The following MTX2 variants were observed in gnomAD, a reference collection of about 807,000 sequenced individuals.
MTX2 encodes the protein metaxin 2, also known as metaxin-2.
In MTX2, 35 loss-of-function variants were observed where a neutral mutation model predicts 42.3. The observed-to-expected ratio is 0.83, with a 90% CI of 0.63 to 1.10. MTX2 has a LOEUF of 1.10. MTX2 is among the 50% of genes least tolerant of loss of function. MTX2 has a pLI of 0.00. For missense variants in MTX2, 307 were observed against 304.1 expected (o/e 1.01, Z -0.07); for synonymous variants, 119 against 100.9 (o/e 1.18, Z -1.08).
At chr2:176,274,647 C>T (rs981356571) in intron 1 of MTX2, among the ~76,000 whole-genome samples, 8 of 152,112 alleles carry the variant, frequency 5.3e-5, no homozygotes, top group Admixed American at 2.0e-4. Context: ...GCATGCAAGG[C>T]GGGCAGTCAG....
chr2:176,283,560 A>C (rs1446428658), intron 1 of MTX2, among the ~76,000 whole-genome samples: 1 of 152,198 alleles, frequency 6.6e-6, no homozygotes, highest in Non-Finnish European at 1.5e-5. Context: ...TTCTATAACT[A>C]GCTGGGAGGA....
At chr2:176,314,675 A>G (rs1684395354) in intron 3 of MTX2, among the ~76,000 whole-genome samples, 1 of 152,054 alleles carries the variant, frequency 6.6e-6, no homozygotes, top group Non-Finnish European at 1.5e-5. Flanking sequence ...CTGCTTGTTT[A>G]CTTTTGACGT....
intron 1 of MTX2, among the ~76,000 whole-genome samples, chr2:176,278,045 T>TG (rs1692989733): frequency 8.7e-6 from 1 of 115,374 alleles, no homozygotes; most frequent in Non-Finnish European, 1.9e-5. Context: ...AAACTGGTTT[T>TG]TTTTTTTTTT....
At chr2:176,290,754 T>G (rs537775017) in intron 1 of MTX2, among the ~76,000 whole-genome samples, 5 of 151,902 alleles carry the variant, frequency 3.3e-5, no homozygotes, top group South Asian at 2.1e-4. Context: ...ACTAGTTTTT[T>G]TTTTTTTTTT....
intron 1 of MTX2, among the ~76,000 whole-genome samples, chr2:176,271,130 TG>T (rs779823606): frequency 2.0e-5 from 3 of 152,194 alleles, no homozygotes; most frequent in Non-Finnish European, 4.4e-5. Flanking sequence ...GCATTTTGTC[TG>T]TCTGCCGTCT....
At chr2:176,319,246 G>C (rs1476558907) in intron 3 of MTX2, among the ~76,000 whole-genome samples, 1 of 152,174 alleles carries the variant, frequency 6.6e-6, no homozygotes, top group Admixed American at 6.5e-5. Flanking sequence ...TTTTAGATGA[G>C]TGTGCCATGC....
chr2:176,322,225 T>C (rs115770508), intron 3 of MTX2, among the ~76,000 whole-genome samples: 3,022 of 152,226 alleles, frequency 0.02, 51 homozygotes, highest in Non-Finnish European at 0.033. Flanking sequence ...GTACAAGATA[T>C]TAATCACTGT....
chr2:176,290,576 A>G (rs1693304562), intron 1 of MTX2, among the ~76,000 whole-genome samples: 1 of 152,160 alleles, frequency 6.6e-6, no homozygotes, highest in Non-Finnish European at 1.5e-5. Flanking sequence ...GTCTTTTCCC[A>G]AACCAAGAGA....
intron 1 of MTX2, among the ~76,000 whole-genome samples, chr2:176,286,141 C>T (rs1246867369): frequency 6.6e-6 from 1 of 152,070 alleles, no homozygotes; most frequent in African/African-American, 2.4e-5. Context: ...TTTTCATGTG[C>T]TTTTTGGCCA....
Position 176,269,490 on chromosome 2 carries a change from C to A in MTX2, c.-140C>A. The A allele has an allele frequency of 1.1e-6, 1 of 939,186 alleles. No homozygotes were observed. The allele number at this position is 939,186 out of a possible 1,614,324, so 58.2% of individuals were successfully genotyped here. On this transcript the variant is annotated 5_prime_UTR_variant, in exon 1 of 10. Coordinates refer to ENST00000249442, the MANE Select transcript of MTX2 (RefSeq NM_006554.5). The stretch of plus-strand genomic sequence containing the variant: ...ACCTTGGGGGCCTCACTGCAGCCGC[C>A]GCTGCTGTTGGAGTGGGCTTTGCGA...
chr2:176,316,401 G>A (rs1230954840), intron 3 of MTX2, among the ~76,000 whole-genome samples: 1 of 151,880 alleles, frequency 6.6e-6, no homozygotes, highest in Non-Finnish European at 1.5e-5. Context: ...TTATTTATTT[G>A]TTTGTTTGGT....
At chr2:176,279,337 T>G (rs539102379) in intron 1 of MTX2, among the ~76,000 whole-genome samples, 1 of 152,136 alleles carries the variant, frequency 6.6e-6, no homozygotes, top group Non-Finnish European at 1.5e-5. Flanking sequence ...ATGAATAAAT[T>G]GTGTCATTTG....
intron 1 of MTX2, among the ~76,000 whole-genome samples, chr2:176,281,112 G>T (rs1693068420): frequency 6.6e-6 from 1 of 152,174 alleles, no homozygotes; most frequent in African/African-American, 2.4e-5. Context: ...TTGTCTGGTT[G>T]GTACGTGTAG....
chr2:176,298,573 T>G (rs1209241291), intron 3 of MTX2, among the ~76,000 whole-genome samples: 1 of 152,150 alleles, frequency 6.6e-6, no homozygotes, highest in African/African-American at 2.4e-5. Context: ...GGTTATGGAA[T>G]TATAGTTATC....
At chr2:176,292,847 CTG>C (rs1693358739) in intron 1 of MTX2, among the ~76,000 whole-genome samples, 1 of 152,084 alleles carries the variant, frequency 6.6e-6, no homozygotes, top group African/African-American at 2.4e-5. Context: ...ATTTAAAAAA[CTG>C]TTATACAAGT....
At chr2:176,320,527 C>T (rs1684557599) in intron 3 of MTX2, among the ~76,000 whole-genome samples, 1 of 151,982 alleles carries the variant, frequency 6.6e-6, no homozygotes, top group African/African-American at 2.4e-5. Flanking sequence ...AAGATTTCTC[C>T]TTCTATTTCG....
chr2:176,328,765 T>G, intron 6 of MTX2, 109 bp from the exon 7 acceptor site: 3 of 991,414 alleles, frequency 3.0e-6, no homozygotes, highest in Non-Finnish European at 4.7e-6. Flanking sequence ...CCGCTACATG[T>G]GTGACTTATG....
intron 3 of MTX2, among the ~76,000 whole-genome samples, chr2:176,302,865 A>G (rs1027214986): frequency 2.0e-5 from 3 of 152,184 alleles, no homozygotes; most frequent in Non-Finnish European, 4.4e-5. Context: ...AGAAGGATGT[A>G]TTAATTATTG....
chr2:176,326,029 A>G (rs1206972898), intron 4 of MTX2, among the ~76,000 whole-genome samples: 6 of 151,720 alleles, frequency 4.0e-5, no homozygotes, highest in East Asian at 1.9e-4. Flanking sequence ...TGTGAACTCT[A>G]TTTGAACTAG....
Sources: allele counts gnomAD v4.1 joint callset (sites outside exome capture counted in the v4.1 genomes callset), GRCh38; gene constraint gnomAD v4.1.1; transcripts MANE v1.5; gene names NCBI Gene and HGNC (gene_info 2026-07-23, HGNC 2026-07-21).